BORCS5: variants seen among roughly 807,000 people sequenced by gnomAD.
The protein encoded by BORCS5 is BLOC-1-related complex subunit 5.
Under a neutral mutation model 22.1 loss-of-function variants are expected in BORCS5, and 17 were observed. That is an observed-to-expected ratio of 0.77 (90% CI 0.53 to 1.15). The LOEUF is 1.15. Among genes scored for constraint, BORCS5 ranks in the 50% most tolerant of loss-of-function variants. BORCS5 has a pLI of 0.00. For synonymous variants in BORCS5, 117 were observed against 99.8 expected, an observed-to-expected ratio of 1.17 and a Z score of -1.03; for missense variants, 247 against 253.2, an observed-to-expected ratio of 0.98 and a Z score of 0.17.
At chr12:12,419,099 G>T (rs1396380748) in intron 2 of BORCS5, among the ~76,000 whole-genome samples, 1 of 152,006 alleles carries the variant, frequency 6.6e-6, no homozygotes, top group Non-Finnish European at 1.5e-5. Context: ...CAAAGTGTAG[G>T]TTTGATAAAT....
intron 2 of BORCS5, among the ~76,000 whole-genome samples, chr12:12,419,652 C>G (rs1227227726): frequency 4.6e-5 from 7 of 152,198 alleles, no homozygotes; most frequent in African/African-American, 9.7e-5. Context: ...CTAAATTACA[C>G]TCCCACCAAC....
chr12:12,410,312 C>A (rs1033232180), intron 2 of BORCS5, among the ~76,000 whole-genome samples: 17 of 152,180 alleles, frequency 1.1e-4, no homozygotes, highest in African/African-American at 3.9e-4. Context: ...ATGCCTATGT[C>A]CTGAATGGTA....
chr12:12,411,528 T>C (rs1414129326), intron 2 of BORCS5, among the ~76,000 whole-genome samples: 1 of 152,162 alleles, frequency 6.6e-6, no homozygotes, highest in South Asian at 2.1e-4. Context: ...AAAATATACA[T>C]GATTTGAAAG....
At chr12:12,401,425 T>C (rs1941472658) in intron 2 of BORCS5, among the ~76,000 whole-genome samples, 1 of 152,220 alleles carries the variant, frequency 6.6e-6, no homozygotes, top group South Asian at 2.1e-4. Context: ...TCTTATACCA[T>C]GCTTCTTCCT....
chr12:12,414,280 G>A (rs1407898076), intron 2 of BORCS5, among the ~76,000 whole-genome samples: 11 of 66,896 alleles, frequency 1.6e-4, no homozygotes, highest in South Asian at 3.9e-4. Flanking sequence ...CAGTAGGGGC[G>A]GCCAGGCAGA....
chr12:12,420,432 T>C (rs1271334746), intron 2 of BORCS5, among the ~76,000 whole-genome samples: 1 of 152,206 alleles, frequency 6.6e-6, no homozygotes, highest in Non-Finnish European at 1.5e-5. Context: ...AGTACCATGC[T>C]GTTTTGGTTA....
intron 2 of BORCS5, among the ~76,000 whole-genome samples, chr12:12,424,671 C>A (rs1285604646): frequency 6.6e-6 from 1 of 151,206 alleles, no homozygotes; most frequent in Non-Finnish European, 1.5e-5. Context: ...AACAGATTCT[C>A]CCCCTTCTCT....
intron 2 of BORCS5, among the ~76,000 whole-genome samples, chr12:12,407,684 G>T (rs1002447651): frequency 1.3e-5 from 2 of 149,122 alleles, no homozygotes; most frequent in African/African-American, 4.9e-5. Flanking sequence ...ACTTATTTTC[G>T]CCATGAATTT....
At chr12:12,392,656 T>C (rs1941225460) in intron 2 of BORCS5, among the ~76,000 whole-genome samples, 1 of 152,126 alleles carries the variant, frequency 6.6e-6, no homozygotes, top group African/African-American at 2.4e-5. Flanking sequence ...GAGAATTAAA[T>C]GTGAGACGCT....
chr12:12,386,189 C>T (rs1346078574), intron 2 of BORCS5, among the ~76,000 whole-genome samples: 1 of 150,804 alleles, frequency 6.6e-6, no homozygotes, highest in African/African-American at 2.4e-5. Context: ...TTAGTAGAGA[C>T]AGCATTTCGC....
chr12:12,389,513 A>G (rs1203305665), intron 2 of BORCS5, among the ~76,000 whole-genome samples: 1 of 142,332 alleles, frequency 7.0e-6, no homozygotes. Context: ...TTTAAGCCCA[A>G]CTGAAGTTAT....
intron 3 of BORCS5, among the ~76,000 whole-genome samples, chr12:12,437,902 T>C (rs1942587362): frequency 6.6e-6 from 1 of 152,136 alleles, no homozygotes; most frequent in Non-Finnish European, 1.5e-5. Context: ...AGCTTAGGAC[T>C]ACAGGTGTAT....
intron 3 of BORCS5, among the ~76,000 whole-genome samples, chr12:12,457,983 G>A (rs1400984621): frequency 6.6e-6 from 1 of 152,166 alleles, no homozygotes; most frequent in East Asian, 1.9e-4. Flanking sequence ...GGATAACCGT[G>A]GTCATAAGCT....
intron 3 of BORCS5, among the ~76,000 whole-genome samples, chr12:12,455,507 C>T (rs1478228153): frequency 6.6e-6 from 1 of 152,164 alleles, no homozygotes; most frequent in African/African-American, 2.4e-5. Context: ...GAGCTGGGCA[C>T]AGTGGCTTAC....
chr12:12,377,432 G>A (rs1863680715), intron 2 of BORCS5, among the ~76,000 whole-genome samples: 1 of 152,056 alleles, frequency 6.6e-6, no homozygotes, highest in Non-Finnish European at 1.5e-5. Flanking sequence ...GTCTGCCTCA[G>A]CCTCCCAAAG....
At chr12:12,444,990 A>G (rs1174744300) in intron 3 of BORCS5, among the ~76,000 whole-genome samples, 1 of 152,234 alleles carries the variant, frequency 6.6e-6, no homozygotes, top group East Asian at 1.9e-4. Context: ...ACAAATTTAT[A>G]TTAGGCCACA....
intron 2 of BORCS5, among the ~76,000 whole-genome samples, chr12:12,422,688 G>A (rs1942165830): frequency 6.6e-6 from 1 of 151,952 alleles, no homozygotes; most frequent in African/African-American, 2.4e-5. Context: ...GAAAAACTCT[G>A]CTCCTTTCCA....
chr12:12,391,123 A>G (rs897866098), intron 2 of BORCS5, among the ~76,000 whole-genome samples: 1 of 151,968 alleles, frequency 6.6e-6, no homozygotes, highest in Non-Finnish European at 1.5e-5. Context: ...TTGTTTTGTC[A>G]CACTAAAAAT....
chr12:12,405,356 T>A (rs1941573066), intron 2 of BORCS5, among the ~76,000 whole-genome samples: 1 of 152,226 alleles, frequency 6.6e-6, no homozygotes, highest in Non-Finnish European at 1.5e-5. Context: ...TAAGAATTGG[T>A]GACTCTAGAG....
Sources: gnomAD v4.1 joint callset for allele counts (sites outside exome capture counted in the v4.1 genomes callset) on GRCh38, gnomAD v4.1.1 for gene constraint, MANE v1.5 for transcripts, NCBI Gene and HGNC (gene_info 2026-07-23, HGNC 2026-07-21) for gene names.